The following PITPNM2 variants were observed in gnomAD, a reference collection of about 807,000 sequenced individuals.
The protein encoded by PITPNM2 is phosphatidylinositol transfer protein membrane associated 2.
Under a neutral mutation model 132.2 loss-of-function variants are expected in PITPNM2, and 35 were observed. That is an observed-to-expected ratio of 0.26 (90% confidence interval 0.20 to 0.35). PITPNM2 has a LOEUF of 0.35. Among genes scored for constraint, PITPNM2 ranks in the 10% least tolerant of loss-of-function variants. The probability of loss-of-function intolerance (pLI) is 1.00; values close to 1 mark genes in which losing one functional copy is unlikely to be tolerated. For missense variants in PITPNM2, 1,332 were observed against 1,912.0 expected, an observed-to-expected ratio of 0.70 and a Z score of 5.66; for synonymous variants, 738 against 799.2, an observed-to-expected ratio of 0.92 and a Z score of 1.29.
chr12:123,072,132 C>G (rs985099465), intron 2 of PITPNM2, among the ~76,000 whole-genome samples: 1 of 152,196 alleles, frequency 6.6e-6, no homozygotes, highest in Non-Finnish European at 1.5e-5. Context: ...TTTACAAGGG[C>G]ACAGGGTGAC....
intron 3 of PITPNM2, among the ~76,000 whole-genome samples, chr12:123,016,402 G>A (rs1454190336): frequency 2.0e-5 from 3 of 150,552 alleles, no homozygotes; most frequent in African/African-American, 4.9e-5. Context: ...TGCAATCTCC[G>A]CCTCCTGGGT....
intron 1 of PITPNM2, among the ~76,000 whole-genome samples, chr12:123,128,245 T>C (rs2043187731): frequency 1.0e-5 from 1 of 99,626 alleles, no homozygotes; most frequent in Non-Finnish European, 1.8e-5. Context: ...CTAGTAAACA[T>C]GGCGAAACCC....
At chr12:122,998,147 C>T (rs2038509646) in intron 10 of PITPNM2, among the ~76,000 whole-genome samples, 3 of 152,218 alleles carry the variant, frequency 2.0e-5, no homozygotes, top group Admixed American at 6.5e-5. Context: ...AGCTCTCCCC[C>T]AAGTCATTCT....
rs770917417 is a variant in PITPNM2, at chr12:123,013,929, A to G, written c.192T>C (p.His64=). 1.4e-5 allele frequency: 22 copies of G among 1,614,264 alleles called. No individual in the cohort carries two copies. In the Admixed American group the frequency reaches 3.5e-4, roughly 26 times the overall value. The change falls in exon 4 of 26, where the codon CAT becomes CAC. Residue 64 remains histidine, a synonymous_variant. Transcript: ENST00000320201. ...GSGQYTHKVY[H]VGMHIPSWFR... ...ACCAGCTGGGAATGTGCATGCCCAC[A>G]TGATACACCTTGTGTGTGTACTGCC...
intron 3 of PITPNM2, among the ~76,000 whole-genome samples, chr12:123,015,738 A>G (rs867080436): frequency 5.3e-5 from 8 of 152,150 alleles, no homozygotes; most frequent in Admixed American, 2.0e-4. Flanking sequence ...GCAACAAAAG[A>G]AAAAATAGAT....
intron 1 of PITPNM2, among the ~76,000 whole-genome samples, chr12:123,120,841 T>C (rs1036228854): frequency 6.6e-6 from 1 of 152,198 alleles, no homozygotes; most frequent in African/African-American, 2.4e-5. Context: ...TCACCTGCTC[T>C]TTTTGCAAAA....
In PITPNM2 at chr12:123,000,694, T is replaced by C. The variant is rs1416380972; in HGVS notation, c.1224+84A>G. 3.7e-5 allele frequency: 54 copies of C among 1,448,508 alleles called. No homozygotes were observed. The East Asian group carries it at 1.3e-3, about 34-fold the overall frequency. The allele number at this position is 1,448,508 out of a possible 1,614,324, so 89.7% of individuals were successfully genotyped here. A position where few individuals can be genotyped will look rare whatever the true frequency, so the allele number is the denominator to read the frequency against. On this transcript the variant is annotated intron_variant, in intron 10 of 25. Coordinates refer to ENST00000320201, the MANE Select transcript of PITPNM2 (RefSeq NM_020845.3). This position sits in a 1 kb window ranked among gnomAD's most constrained non-coding sequence, Gnocchi z 5.4. ...AGGCTGCCAGGCCCAGAGTTCCACC[T>C]CTGTAACCCCTCAGACTATTCCTCT...
At chr12:123,066,465 T>A (rs903916620) in intron 2 of PITPNM2, among the ~76,000 whole-genome samples, 5 of 151,994 alleles carry the variant, frequency 3.3e-5, no homozygotes, top group African/African-American at 9.7e-5. Flanking sequence ...GCCACCATCA[T>A]CTCCACTGCC....
At chr12:123,073,128 G>T (rs532309671) in intron 2 of PITPNM2, among the ~76,000 whole-genome samples, 1 of 152,308 alleles carries the variant, frequency 6.6e-6, no homozygotes, top group African/African-American at 2.4e-5. Flanking sequence ...GGTCGTTAAG[G>T]TACAAACCCT....
intron 2 of PITPNM2, among the ~76,000 whole-genome samples, chr12:123,107,185 G>A (rs1287194114): frequency 2.0e-5 from 3 of 152,162 alleles, no homozygotes; most frequent in East Asian, 3.9e-4. Flanking sequence ...CAGAGACAAT[G>A]GCAGGAAGTG....
rs3085478 is a variant in PITPNM2, at chr12:123,018,293, C to CTTT, written c.79-4254_79-4252dup. On this transcript the variant is annotated intron_variant, in intron 3 of 25. Coordinates refer to ENST00000320201, the MANE Select transcript of PITPNM2 (RefSeq NM_020845.3). ...TTTAATTTCTTTTCTTTTTTCTTTTCTTTTTTTTTTTTTTTTTTTGAGACA... is the reference window on the plus strand; with the variant it reads ...TTTAATTTCTTTTCTTTTTTCTTTTCTTTTTTTTTTTTTTTTTTTTTTGAGACA... Among the ~76,000 whole-genome samples the CTTT allele has an allele frequency of 5.6e-4, 71 of 126,322 alleles. 1 individual carries two copies. The highest frequency in any genetic ancestry group is 2.0e-3 in the African/African-American group (64 of 32,142). The allele number at this position is 126,322 out of a possible 152,430, so 82.9% of individuals were successfully genotyped here.
intron 2 of PITPNM2, among the ~76,000 whole-genome samples, chr12:123,085,185 G>C (rs1359698214): frequency 6.6e-6 from 1 of 152,234 alleles, no homozygotes; most frequent in Non-Finnish European, 1.5e-5. Context: ...ATGCAAACAG[G>C]TAGATCCAGG....
chr12:123,044,179 G>A (rs1170951797), intron 2 of PITPNM2, among the ~76,000 whole-genome samples: 2 of 152,198 alleles, frequency 1.3e-5, no homozygotes, highest in African/African-American at 2.4e-5. Flanking sequence ...GGTCTAAGCT[G>A]TGGCTACAAA....
chr12:123,013,128 C>G (rs1592942511), intron 4 of PITPNM2, among the ~76,000 whole-genome samples: 1 of 152,234 alleles, frequency 6.6e-6, no homozygotes, highest in Admixed American at 6.5e-5. Context: ...GGAATAGCCT[C>G]TCTCTAGGCT....
In PITPNM2 at chr12:123,144,191, C is replaced by A. The variant is rs138142551; in HGVS notation, c.-200+6562G>T. The stretch of plus-strand genomic sequence containing the variant: ...CAGCTCTCCTAATGGAAACACGTGT[C>A]CTTTTTGTGGTCTGTGCAGTGCCAC... On this transcript the variant is annotated intron_variant, in intron 1 of 25. Coordinates refer to ENST00000320201, the MANE Select transcript of PITPNM2 (RefSeq NM_020845.3). Among the ~76,000 whole-genome samples, 4 of 152,286 alleles carry A rather than the reference C, an allele frequency of 2.6e-5. No individual in the cohort carries two copies. The East Asian group carries it at 7.7e-4, about 29-fold the overall frequency.
chr12:123,054,833 G>A (rs986923621), intron 2 of PITPNM2, among the ~76,000 whole-genome samples: 1 of 152,192 alleles, frequency 6.6e-6, no homozygotes, highest in Non-Finnish European at 1.5e-5. Context: ...GGAGGCCAAG[G>A]CGACAGGATC....
chr12:123,058,827 G>A lies in PITPNM2; in HGVS notation c.-95-24142C>T, dbSNP rs1398162029. On this transcript the variant is annotated intron_variant, in intron 2 of 25. Transcript: ENST00000320201. This position sits in a 1 kb window ranked among gnomAD's most constrained non-coding sequence, Gnocchi z 4.0. Reference sequence around the variant, plus strand: ...GGTCCACCTGGAAAATTCTCGAAGTGTCTATTAAGAATCAGCTTACACAGC... The same window carrying A: ...GGTCCACCTGGAAAATTCTCGAAGTATCTATTAAGAATCAGCTTACACAGC... Among the ~76,000 whole-genome samples, 2 of 152,144 alleles carry A rather than the reference G, an allele frequency of 1.3e-5. No homozygotes were observed. Among genetic ancestry groups the A allele is most frequent in the Non-Finnish European group, 2.9e-5 (2 of 68,036 alleles).
intron 3 of PITPNM2, among the ~76,000 whole-genome samples, chr12:123,021,485 C>A (rs1158127222): frequency 6.6e-6 from 1 of 152,190 alleles, no homozygotes; most frequent in Non-Finnish European, 1.5e-5. Flanking sequence ...GCGTGCACCC[C>A]ACCACACCCA....
rs765230683 is a variant in PITPNM2, at chr12:123,005,542, C to A, written c.650G>T (p.Arg217Leu). The change falls in exon 7 of 26, where the codon CGG (arginine) becomes CTG (leucine). Residue 217 changes from arginine to leucine, a missense_variant. Arg to Leu is a moderately radical substitution (Grantham distance 102). Transcript: ENST00000320201. The surrounding 1 kb of genome is among the most constrained non-coding windows in gnomAD (Gnocchi z 6.2). ...IERFIHDTGL[R>L]RVMVRAHRQA... is the part of the protein sequence containing the mutation. ...CCGGTGAGCCCGCACCATCACCCTC[C>A]GTAGTCCTGTGCCCCATGGGGATCA... is the stretch of plus-strand genomic sequence containing the variant. 6.2e-7 allele frequency: 1 copy of A among 1,612,814 alleles called. No homozygotes were observed. Among genetic ancestry groups the A allele is most frequent in the Non-Finnish European group, 8.5e-7 (1 of 1,179,626 alleles).
Sources: gnomAD v4.1 joint callset for allele counts (sites outside exome capture counted in the v4.1 genomes callset) on GRCh38, gnomAD v4.1.1 for gene constraint, Gnocchi (gnomAD v3.1) non-coding constraint, MANE v1.5 for transcripts, NCBI Gene and HGNC (gene_info 2026-07-23, HGNC 2026-07-21) for gene names.